Variants in NEB observed in about 807,000 individuals in gnomAD.
The protein encoded by NEB is nemaline myopathy type 2.
Under a neutral mutation model 952.2 loss-of-function variants are expected in NEB, and 512 were observed. That is an observed-to-expected ratio of 0.54 (90% CI 0.50 to 0.58). The LOEUF (loss-of-function observed/expected upper bound fraction) is 0.58. Among genes scored for constraint, NEB ranks in the 20% least tolerant of loss-of-function variants. The pLI is 0.00. For synonymous variants in NEB, 2,900 were observed against 3,149.8 expected (o/e 0.92, Z 2.66); for missense variants, 8,428 against 9,231.1 (o/e 0.91, Z 3.56).
chr2:151,537,299 T>A (rs1423608719), intron 140 of NEB, 63 bp from the exon 141 acceptor site: 2 of 923,072 alleles, frequency 2.2e-6, no homozygotes, highest in Middle Eastern at 2.1e-4. Context: ...TAAGTTAGTA[T>A]CTATACAAGT....
intron 13 of NEB, among the ~76,000 whole-genome samples, chr2:151,698,608 G>T (rs1161401516): frequency 6.8e-6 from 1 of 147,788 alleles, no homozygotes; most frequent in African/African-American, 2.5e-5. Flanking sequence ...CTTCATCCTT[G>T]TTGTACCCTG....
In NEB at chr2:151,572,915, CA is replaced by C. The variant is rs1311683904; in HGVS notation, c.17014-2315del. Among the ~76,000 whole-genome samples, 8 of 148,346 alleles carry C rather than the reference CA, an allele frequency of 5.4e-5. No homozygotes were observed. In the East Asian group the frequency reaches 1.6e-3, roughly 29 times the overall value. ...CCCGGGGCCTGAGACCCAATGTTTT[CA>C]GCTACTAACTTTGAGAACATGGGAA... On this transcript the variant is annotated intron_variant, in intron 107 of 181. Coordinates refer to ENST00000397345, the MANE Select transcript of NEB (RefSeq NM_001164508.2).
intron 54 of NEB, among the ~76,000 whole-genome samples, chr2:151,648,505 G>A (rs1177225740): frequency 6.6e-6 from 1 of 152,178 alleles, no homozygotes; most frequent in African/African-American, 2.4e-5. Flanking sequence ...TTGTGGTGAA[G>A]TCAGGGCCTT....
chr2:151,563,815 A>C lies in NEB; in HGVS notation c.18579+8T>G, dbSNP rs2153721033. 1 of 1,613,204 alleles carries C rather than the reference A, an allele frequency of 6.2e-7. No individual in the cohort carries two copies. Among genetic ancestry groups the C allele is most frequent in the South Asian group, 1.1e-5 (1 of 91,072 alleles). ...CTCAAACTTAGGAGAGGAAAAGGTC[A>C]TACTGACCTCACTGTTCACCAGATC... On this transcript the variant is annotated splice_region_variant and intron_variant, in intron 118 of 181. Transcript: ENST00000397345.
chr2:151,565,726 A>G lies in NEB; in HGVS notation c.18251T>C (p.Met6084Thr), dbSNP rs746242505. 6.2e-7 allele frequency: 1 copy of G among 1,612,066 alleles called. No homozygotes were observed. The highest frequency in any genetic ancestry group is 1.1e-5 in the South Asian group (1 of 90,640). The change falls in exon 115 of 182, where the codon ATG becomes ACG. Residue 6084 changes from methionine to threonine, a missense_variant. Around this residue, in one of 11 missense-constraint regions of NEB, gnomAD observed 3,374 missense variants for 3,651.5 expected, o/e 0.92. Coordinates refer to ENST00000397345, the MANE Select transcript of NEB (RefSeq NM_001164508.2). ...ATAGGCTTTGCGTACCTGACTCATCATTTCCTGGTTCTTAGTAACCCTTAC... is the reference window on the plus strand; with the variant it reads ...ATAGGCTTTGCGTACCTGACTCATCGTTTCCTGGTTCTTAGTAACCCTTAC... ...DHVRVTKNQE[M>T]MSQIKYKKNA...
intron 142 of NEB, among the ~76,000 whole-genome samples, chr2:151,534,631 T>C (rs1191987541): frequency 2.0e-5 from 3 of 152,210 alleles, no homozygotes; most frequent in African/African-American, 7.2e-5. Context: ...ATATTTAAAA[T>C]AGGGTACTGA....
intron 165 of NEB, among the ~76,000 whole-genome samples, chr2:151,504,166 T>G (rs1319743839): frequency 2.0e-5 from 3 of 152,184 alleles, no homozygotes; most frequent in Non-Finnish European, 4.4e-5. Context: ...AATGAGTTCT[T>G]TTAAATGGAT....
intron 61 of NEB, 102 bp downstream of exon 61, chr2:151,640,253 T>G: frequency 6.5e-7 from 1 of 1,530,650 alleles, no homozygotes; most frequent in South Asian, 1.3e-5. Flanking sequence ...GCTATTTGCC[T>G]CCTCCAGGGG....
chr2:151,676,022 C>T (rs754277002), intron 34 of NEB, among the ~76,000 whole-genome samples: 18 of 152,098 alleles, frequency 1.2e-4, no homozygotes, highest in Non-Finnish European at 2.5e-4. Flanking sequence ...AAATATATTA[C>T]TTAGTTCCTA....
Position 151,720,230 on chromosome 2 carries a change from A to G in NEB, c.718-2710T>C, listed in dbSNP as rs146347370. Among the ~76,000 whole-genome samples, 158 of 152,336 alleles carry G rather than the reference A, an allele frequency of 1.0e-3. 2 individuals carry two copies. Among genetic ancestry groups the G allele is most frequent in the African/African-American group, 3.4e-3 (143 of 41,566 alleles). On this transcript the variant is annotated intron_variant, in intron 9 of 181. Transcript: ENST00000397345. ...CTACTTAGTTAATAAGGAAAACATG[A>G]TAAGTAGATTAAGAAGGACACAGGA...
chr2:151,655,318 A>G lies in NEB; in HGVS notation c.6759T>C (p.Asp2253=), dbSNP rs1447374947. Residue 2253 remains aspartate (D), a synonymous_variant, in exon 51 of 182, where the codon GAT becomes GAC. Transcript: ENST00000397345. ...KDKTKIHVMP[D]TPDILQAKQN... Reference sequence around the variant, plus strand: ...GCTTGGCTTGTAAAATATCTGGTGTATCAGGCATCACATGAATCTTGGTCT... The same window carrying G: ...GCTTGGCTTGTAAAATATCTGGTGTGTCAGGCATCACATGAATCTTGGTCT... 3 of 1,601,696 alleles carry G rather than the reference A, an allele frequency of 1.9e-6. No homozygotes were observed. The highest frequency in any genetic ancestry group is 2.6e-6 in the Non-Finnish European group (3 of 1,171,386).
chr2:151,641,320 GT>G (rs1046314588), intron 60 of NEB, among the ~76,000 whole-genome samples: 5 of 151,704 alleles, frequency 3.3e-5, no homozygotes, highest in African/African-American at 9.7e-5. Context: ...ACACATGACT[GT>G]TTTTTTTGTT....
Position 151,640,397 on chromosome 2 carries a change from G to A in NEB, c.8643C>T (p.Ser2881=), listed in dbSNP as rs150135749. Residue 2881 remains serine (S), a synonymous_variant, in exon 61 of 182, where the codon AGC becomes AGT. Transcript: ENST00000397345. ...AGGCCTGCCGAGCATGGATGACGTC[G>A]CTCTGGTCGGGCAGGCATGTCCACT... The part of the protein sequence containing the change: ...LHQWTCLPDQ[S]DVIHARQAYD... 305 of 1,613,884 alleles carry A rather than the reference G, an allele frequency of 1.9e-4. 1 individual carries two copies. The African/African-American group carries it at 3.0e-3, about 16-fold the overall frequency.
intron 145 of NEB, among the ~76,000 whole-genome samples, chr2:151,529,828 C>G (rs953214472): frequency 2.0e-5 from 3 of 152,176 alleles, no homozygotes; most frequent in Non-Finnish European, 4.4e-5. Flanking sequence ...CTGTGCCCAG[C>G]CTGCCATATA....
In NEB at chr2:151,640,650, C is replaced by T. The variant is rs1197116662; in HGVS notation, c.8390G>A (p.Gly2797Asp). ...DIASEFKYKE[G>D]YRKQLGHHIG... ...GTGGTGGCCGAGCTGCTTACGATAG[C>T]CTTCTTTGTACTTGAACTAAAAGAA... Residue 2797 changes from glycine (G) to aspartate (D), a missense_variant, in exon 61 of 182, where the codon GGC becomes GAC. Coordinates refer to ENST00000397345, the MANE Select transcript of NEB (RefSeq NM_001164508.2). The T allele has an allele frequency of 6.2e-7, 1 of 1,612,000 alleles. No homozygotes were observed. Among genetic ancestry groups the T allele is most frequent in the South Asian group, 1.1e-5 (1 of 90,946 alleles).
At chr2:151,724,755 G>A (rs2099785330) in intron 7 of NEB, 102 bp downstream of exon 7, 1 of 865,172 alleles carries the variant, frequency 1.2e-6, no homozygotes, top group Non-Finnish European at 1.8e-6. Context: ...TGCCCATGAG[G>A]CTGGTGGGCA....
intron 72 of NEB, among the ~76,000 whole-genome samples, chr2:151,620,351 A>ATATATATATATATATATG (rs1560532790): frequency 8.2e-5 from 4 of 48,724 alleles, no homozygotes; most frequent in African/African-American, 2.5e-4. Context: ...GTGTGTGTAT[A>ATATATATATATATATATG]TATATATATA....
intron 13 of NEB, among the ~76,000 whole-genome samples, chr2:151,698,075 C>T (rs999652567): frequency 6.6e-6 from 1 of 151,598 alleles, no homozygotes; most frequent in Non-Finnish European, 1.5e-5. Context: ...CAAAACAAAA[C>T]AAAACAAAAC....
At chr2:151,574,871 A>ACAGGTGCACCTCACTTT (rs2096776540) in intron 107 of NEB, among the ~76,000 whole-genome samples, 1 of 152,006 alleles carries the variant, frequency 6.6e-6, no homozygotes, top group African/African-American at 2.4e-5. Flanking sequence ...AACTTGGGCC[A>ACAGGTGCACCTCACTTT]CAGGTGCACC....
Sources: gnomAD v4.1 joint callset for allele counts (sites outside exome capture counted in the v4.1 genomes callset) on GRCh38, gnomAD v4.1.1 for gene constraint, gnomAD v4.1.1 regional missense constraint, MANE v1.5 for transcripts, NCBI Gene and HGNC (gene_info 2026-07-23, HGNC 2026-07-21) for gene names.